The following GRM8 variants were observed in gnomAD, a reference collection of about 807,000 sequenced individuals.
The protein encoded by GRM8 is metabotropic glutamate receptor 8.
A neutral mutation model predicts 87.2 loss-of-function variants in GRM8; 47 were observed. The ratio of observed to expected loss-of-function variants is 0.54; its 90% CI spans 0.43 to 0.69. The LOEUF (loss-of-function observed/expected upper bound fraction) is 0.69, where lower values mean the gene tolerates loss of function less well. Ranked by LOEUF, GRM8 falls within the 30% of genes least tolerant of loss-of-function variation. The pLI is 0.00. For missense variants in GRM8, 1,019 were observed against 1,139.2 expected, an observed-to-expected ratio of 0.89 and a Z score of 1.52; for synonymous variants, 396 against 404.5, an observed-to-expected ratio of 0.98 and a Z score of 0.25.
rs148117354 is a variant in GRM8, at chr7:126,847,434, C to T, written c.1156+55108G>A. On this transcript the variant is annotated intron_variant, in intron 6 of 10. Coordinates refer to ENST00000339582, the MANE Select transcript of GRM8 (RefSeq NM_000845.3). ...ATGAGCAACAGCAAAATTTATTTTG[C>T]GTATGACCCTGCAATCTGGGTAGGA... 3.3e-4 allele frequency among the ~76,000 whole-genome samples: 51 copies of T among 152,248 alleles called. No individual in the cohort carries two copies. In the East Asian group the frequency reaches 6.0e-3, roughly 18 times the overall value.
chr7:127,141,122 C>T (rs1444266189), intron 2 of GRM8, among the ~76,000 whole-genome samples: 1 of 152,122 alleles, frequency 6.6e-6, no homozygotes, highest in Non-Finnish European at 1.5e-5. Context: ...TTAGACCTTG[C>T]TGCACCTATA....
At chr7:127,241,546 C>G (rs916385807) in intron 2 of GRM8, among the ~76,000 whole-genome samples, 1 of 151,626 alleles carries the variant, frequency 6.6e-6, no homozygotes, top group Admixed American at 6.6e-5. Flanking sequence ...CGATTCTCCT[C>G]CCTCAGCCTC....
chr7:127,213,286 T>C (rs1251569041), intron 2 of GRM8, among the ~76,000 whole-genome samples: 29 of 152,236 alleles, frequency 1.9e-4, no homozygotes, highest in Non-Finnish European at 4.3e-4. Flanking sequence ...ACTAGCCATA[T>C]GTGGCTTCTG....
chr7:126,983,020 T>C (rs1040242137), intron 3 of GRM8, among the ~76,000 whole-genome samples: 5 of 152,206 alleles, frequency 3.3e-5, no homozygotes, highest in Non-Finnish European at 7.3e-5. Flanking sequence ...TAGACTGATT[T>C]CGTCTTGATA....
intron 1 of GRM8, chr7:127,251,986 G>A (rs1798902634): frequency 6.6e-6 from 1 of 152,200 alleles, no homozygotes; most frequent in African/African-American, 2.4e-5. Flanking sequence ...GAAGCGCCCG[G>A]CTTCCCCCGC....
In GRM8 at chr7:126,893,538, A is replaced by G. The variant is rs1801264629; in HGVS notation, c.1156+9004T>C. On this transcript the variant is annotated intron_variant, in intron 6 of 10. Transcript: ENST00000339582. ...CATGCATCATATCTACATCACTGTAATGAAGAACAGGAGGACTATCTGGCC... is the reference window on the plus strand; with the variant it reads ...CATGCATCATATCTACATCACTGTAGTGAAGAACAGGAGGACTATCTGGCC... Among the ~76,000 whole-genome samples the G allele has an allele frequency of 3.9e-5, 6 of 152,032 alleles. 1 individual carries two copies. The highest frequency in any genetic ancestry group is 3.3e-4 in the Admixed American group (5 of 15,220).
chr7:126,650,389 T>C (rs986004048), intron 7 of GRM8, among the ~76,000 whole-genome samples: 1 of 152,024 alleles, frequency 6.6e-6, no homozygotes, highest in Non-Finnish European at 1.5e-5. Flanking sequence ...TTCTGCACAA[T>C]ATGCAGGCAC....
chr7:126,614,818 T>C (rs1389883690), intron 7 of GRM8, among the ~76,000 whole-genome samples: 3 of 152,024 alleles, frequency 2.0e-5, no homozygotes, highest in African/African-American at 7.2e-5. Context: ...AACAGAAGTT[T>C]AGAGAAAAAA....
At chr7:126,643,337 T>A (rs1233202714) in intron 7 of GRM8, among the ~76,000 whole-genome samples, 4 of 98,322 alleles carry the variant, frequency 4.1e-5, no homozygotes, top group Non-Finnish European at 5.5e-5. Context: ...TATATATATA[T>A]ATATATATAT....
chr7:126,665,327 A>G (rs1563072930), intron 7 of GRM8, among the ~76,000 whole-genome samples: 1 of 152,196 alleles, frequency 6.6e-6, no homozygotes, highest in South Asian at 2.1e-4. Flanking sequence ...ACTATTTGCA[A>G]TAGCAAAGAC....
At chr7:127,110,875 C>T (rs997675575) in intron 2 of GRM8, among the ~76,000 whole-genome samples, 1 of 152,136 alleles carries the variant, frequency 6.6e-6, no homozygotes, top group East Asian at 1.9e-4. Context: ...ATAGCAGGCT[C>T]TCTCTTTATT....
At chr7:126,919,135 T>C (rs1479355129) in intron 3 of GRM8, among the ~76,000 whole-genome samples, 2 of 152,050 alleles carry the variant, frequency 1.3e-5, no homozygotes, top group Non-Finnish European at 2.9e-5. Flanking sequence ...CTCGTTCAAG[T>C]TCACTCATGG....
intron 3 of GRM8, among the ~76,000 whole-genome samples, chr7:127,007,910 T>C (rs1814474820): frequency 6.6e-6 from 1 of 151,998 alleles, no homozygotes; most frequent in Admixed American, 6.6e-5. Flanking sequence ...GCCAAGCTTC[T>C]ACATTGCCAT....
At chr7:126,668,773 A>G (rs1458982925) in intron 7 of GRM8, among the ~76,000 whole-genome samples, 1 of 151,976 alleles carries the variant, frequency 6.6e-6, no homozygotes, top group Non-Finnish European at 1.5e-5. Context: ...GTTAACTTTT[A>G]AAGTTTTTTT....
chr7:126,627,655 A>C (rs1800836449), intron 7 of GRM8, among the ~76,000 whole-genome samples: 1 of 152,080 alleles, frequency 6.6e-6, no homozygotes, highest in Non-Finnish European at 1.5e-5. Context: ...CATATTCCCC[A>C]GTTAGTATCA....
intron 8 of GRM8, among the ~76,000 whole-genome samples, chr7:126,585,433 C>A (rs1193449067): frequency 6.6e-6 from 1 of 152,106 alleles, no homozygotes; most frequent in Non-Finnish European, 1.5e-5. Flanking sequence ...CCACCCGTTA[C>A]ACATTTTATG....
intron 7 of GRM8, among the ~76,000 whole-genome samples, chr7:126,670,230 C>T (rs1336835735): frequency 6.6e-6 from 1 of 152,104 alleles, no homozygotes; most frequent in Non-Finnish European, 1.5e-5. Flanking sequence ...AAATTGTCTT[C>T]CCTGGCACCT....
At chr7:126,665,967 G>C (rs976310012) in intron 7 of GRM8, among the ~76,000 whole-genome samples, 1 of 151,854 alleles carries the variant, frequency 6.6e-6, no homozygotes, top group Non-Finnish European at 1.5e-5. Flanking sequence ...AGGAAACATG[G>C]GTTTTTAAAG....
At chr7:126,854,618 T>C (rs1197715908) in intron 6 of GRM8, among the ~76,000 whole-genome samples, 1 of 152,212 alleles carries the variant, frequency 6.6e-6, no homozygotes, top group Non-Finnish European at 1.5e-5. Flanking sequence ...CTTCCACGCA[T>C]CTACATTTAT....
Sources: allele counts gnomAD v4.1 joint callset (sites outside exome capture counted in the v4.1 genomes callset), GRCh38; gene constraint gnomAD v4.1.1; transcripts MANE v1.5; gene names NCBI Gene and HGNC (gene_info 2026-07-23, HGNC 2026-07-21).